The following SLC35F1 variants were observed in gnomAD, a reference collection of about 807,000 sequenced individuals.
SLC35F1 encodes chromosome 6 open reading frame 169.
In SLC35F1, 14 loss-of-function variants were observed where a neutral mutation model predicts 48.7. The observed-to-expected ratio is 0.29, with a 90% CI of 0.19 to 0.45. SLC35F1 has a LOEUF of 0.45. Ranked by LOEUF, SLC35F1 falls within the 20% of genes least tolerant of loss-of-function variation. SLC35F1 has a pLI of 1.00. For synonymous variants in SLC35F1, 190 were observed against 202.2 expected, an observed-to-expected ratio of 0.94 and a Z score of 0.51; for missense variants, 404 against 500.0, an observed-to-expected ratio of 0.81 and a Z score of 1.83.
rs567613653 is a variant in SLC35F1, at chr6:118,061,210, C to G, written c.174-93235C>G. Among the ~76,000 whole-genome samples the G allele has an allele frequency of 3.1e-4, 47 of 152,324 alleles. No homozygotes were observed. In the South Asian group the frequency reaches 3.1e-3, roughly 10 times the overall value. On this transcript the variant is annotated intron_variant, in intron 1 of 7. Coordinates refer to ENST00000360388, the MANE Select transcript of SLC35F1 (RefSeq NM_001029858.4). ...CCCCGGAGAGGCTGGAGGCCACCAC[C>G]ATGGACTTGAAATTGCTTTTTACAT...
intron 1 of SLC35F1, among the ~76,000 whole-genome samples, chr6:118,153,648 C>T (rs956552576): frequency 1.3e-5 from 2 of 152,124 alleles, no homozygotes. Context: ...AAAATTAACG[C>T]CTTGACCCTT....
chr6:118,293,642 A>C (rs530627015), intron 7 of SLC35F1, among the ~76,000 whole-genome samples: 45 of 152,326 alleles, frequency 3.0e-4, no homozygotes, highest in Non-Finnish European at 5.9e-4. Flanking sequence ...GGACAATACG[A>C]GTATACTGAC....
Position 117,999,083 on chromosome 6 carries a change from C to T in SLC35F1, c.173+91184C>T, listed in dbSNP as rs1777045579. 72 of 1,539,080 alleles carry T rather than the reference C, an allele frequency of 4.7e-5. 1 individual carries two copies. The South Asian group carries it at 7.1e-4, about 15-fold the overall frequency. On this transcript the variant is annotated intron_variant, in intron 1 of 7. Coordinates refer to ENST00000360388, the MANE Select transcript of SLC35F1 (RefSeq NM_001029858.4). ...ATACGAATCTCTTAAGGGGGTGGAC[C>T]CCAAGTTCCTGAGGAACATGCGCTT...
At chr6:118,132,573 G>T (rs895276839) in intron 1 of SLC35F1, among the ~76,000 whole-genome samples, 4 of 152,292 alleles carry the variant, frequency 2.6e-5, no homozygotes, top group African/African-American at 9.6e-5. Flanking sequence ...TAGAGTGCAT[G>T]GCACATAGTA....
intron 2 of SLC35F1, among the ~76,000 whole-genome samples, chr6:118,224,726 T>C (rs1289034852): frequency 6.6e-6 from 1 of 152,236 alleles, no homozygotes; most frequent in African/African-American, 2.4e-5. Context: ...TGTTGGTGTA[T>C]ATAAATGCTA....
chr6:118,278,607 G>C (rs1258990305), intron 6 of SLC35F1, among the ~76,000 whole-genome samples: 1 of 152,144 alleles, frequency 6.6e-6, no homozygotes, highest in Non-Finnish European at 1.5e-5. Flanking sequence ...TTGTGTCTCA[G>C]AGTCCTGCCA....
chr6:118,001,522 T>G (rs2114867741), intron 1 of SLC35F1, among the ~76,000 whole-genome samples: 1 of 152,284 alleles, frequency 6.6e-6, no homozygotes, highest in Admixed American at 6.5e-5. Flanking sequence ...GGCATTACCA[T>G]TCAGGACATA....
chr6:118,126,970 A>T (rs1435568907), intron 1 of SLC35F1, among the ~76,000 whole-genome samples: 2 of 152,114 alleles, frequency 1.3e-5, no homozygotes, highest in Non-Finnish European at 1.5e-5. Flanking sequence ...AATACTCTTT[A>T]TTTCCTTCTC....
intron 2 of SLC35F1, among the ~76,000 whole-genome samples, chr6:118,227,369 G>T (rs1187643557): frequency 6.6e-6 from 1 of 152,162 alleles, no homozygotes; most frequent in African/African-American, 2.4e-5. Flanking sequence ...CAGGATTTTG[G>T]GGTATAAATA....
intron 1 of SLC35F1, among the ~76,000 whole-genome samples, chr6:118,038,537 T>C (rs1772166697): frequency 6.6e-6 from 1 of 151,930 alleles, no homozygotes. Flanking sequence ...CATTTATTTA[T>C]GTATTCTTTA....
At chr6:118,263,022 G>A (rs1775731320) in intron 3 of SLC35F1, among the ~76,000 whole-genome samples, 1 of 152,100 alleles carries the variant, frequency 6.6e-6, no homozygotes, top group Admixed American at 6.5e-5. Flanking sequence ...TGTGTACTGT[G>A]TGCCTCCATG....
At chr6:118,152,851 G>A (rs554406769) in intron 1 of SLC35F1, among the ~76,000 whole-genome samples, 1 of 152,292 alleles carries the variant, frequency 6.6e-6, no homozygotes, top group South Asian at 2.1e-4. Flanking sequence ...CACAGACCTT[G>A]TAGATCTCTG....
intron 1 of SLC35F1, among the ~76,000 whole-genome samples, chr6:118,076,692 T>TGG (rs1202434353): frequency 1.3e-5 from 2 of 152,278 alleles, no homozygotes; most frequent in East Asian, 3.9e-4. Context: ...GAGATTTGGG[T>TGG]GGGGACACAG....
chr6:118,248,412 T>G (rs1355755888), intron 3 of SLC35F1, among the ~76,000 whole-genome samples: 8 of 152,206 alleles, frequency 5.3e-5, no homozygotes, highest in South Asian at 2.1e-4. Flanking sequence ...ATGGTGAGAT[T>G]ATTCTGAATT....
intron 6 of SLC35F1, among the ~76,000 whole-genome samples, chr6:118,281,274 CT>C (rs1284133359): frequency 6.7e-6 from 1 of 149,528 alleles, no homozygotes; most frequent in Admixed American, 6.7e-5. Context: ...CCTTCAAAGC[CT>C]TATTTCTCTT....
chr6:117,948,664 A>G (rs1029527559), intron 1 of SLC35F1, among the ~76,000 whole-genome samples: 10 of 152,160 alleles, frequency 6.6e-5, no homozygotes, highest in Non-Finnish European at 1.0e-4. Context: ...AAATAATACA[A>G]TTGATAACTG....
chr6:117,977,953 A>G (rs879286543), intron 1 of SLC35F1, among the ~76,000 whole-genome samples: 20 of 152,124 alleles, frequency 1.3e-4, no homozygotes, highest in Non-Finnish European at 2.5e-4. Flanking sequence ...TAAGATGAAA[A>G]ATTATTTTTA....
At chr6:118,216,725 G>A (rs747061979) in intron 2 of SLC35F1, among the ~76,000 whole-genome samples, 2 of 152,122 alleles carry the variant, frequency 1.3e-5, no homozygotes, top group Non-Finnish European at 2.9e-5. Flanking sequence ...TAAACATAAA[G>A]TAGCACTTTA....
intron 1 of SLC35F1, among the ~76,000 whole-genome samples, chr6:118,028,224 T>C (rs1233669122): frequency 6.6e-6 from 1 of 152,112 alleles, no homozygotes; most frequent in African/African-American, 2.4e-5. Context: ...AGAGACTCCT[T>C]AAGAGGTAAG....
Sources: allele counts gnomAD v4.1 joint callset (sites outside exome capture counted in the v4.1 genomes callset), GRCh38; gene constraint gnomAD v4.1.1; transcripts MANE v1.5; gene names NCBI Gene and HGNC (gene_info 2026-07-23, HGNC 2026-07-21).